The following MECOM variants were observed in gnomAD, a reference collection of about 807,000 sequenced individuals.
The protein encoded by MECOM is MDS1 and EVI1 complex locus, also known as histone-lysine N-methyltransferase MECOM.
In MECOM, 13 loss-of-function variants were observed where a neutral mutation model predicts 116.3. That is an observed-to-expected ratio of 0.11 (90% CI 0.07 to 0.18). The LOEUF is 0.18. MECOM is among the 10% of genes least tolerant of loss of function. The pLI is 1.00. For synonymous variants in MECOM, 528 were observed against 535.2 expected (o/e 0.99, Z 0.19); for missense variants, 1,299 against 1,509.0 (o/e 0.86, Z 2.31).
At chr3:169,118,512 T>C (rs534066934) in intron 7 of MECOM, among the ~76,000 whole-genome samples, 3 of 152,288 alleles carry the variant, frequency 2.0e-5, no homozygotes, top group Admixed American at 2.0e-4. Flanking sequence ...AAACATCAGA[T>C]GTTTACTAGA....
At position 169,203,067 on chromosome 3, in the gene MECOM, G is replaced by T. The variant is rs115320107; in HGVS notation, c.376-59235C>A. On this transcript the variant is annotated intron_variant, in intron 2 of 16. Coordinates refer to ENST00000651503, the MANE Select transcript of MECOM (RefSeq NM_004991.4). ...CATTTCTCACCTTTGGACTATTTTA[G>T]CAGTCATTTTCATGGTATATTGAGG... Among the ~76,000 whole-genome samples the T allele has an allele frequency of 7.7e-3, 1,175 of 152,156 alleles. 20 individuals carry two copies. Among genetic ancestry groups the T allele is most frequent in the African/African-American group, 0.027 (1,113 of 41,526 alleles).
At chr3:169,339,542 C>T (rs1184123028) in intron 2 of MECOM, among the ~76,000 whole-genome samples, 1 of 152,204 alleles carries the variant, frequency 6.6e-6, no homozygotes, top group Non-Finnish European at 1.5e-5. Flanking sequence ...GGACCAGCAT[C>T]CCTGGACTGT....
At chr3:169,355,646 G>A (rs1218711388) in intron 2 of MECOM, among the ~76,000 whole-genome samples, 3 of 151,776 alleles carry the variant, frequency 2.0e-5, no homozygotes, top group South Asian at 2.1e-4. Flanking sequence ...CCGTTAAGAC[G>A]GCAGTTTCCA....
rs563764846 is a variant in MECOM, at chr3:169,099,094, A to G, written c.2849+1791T>C. 2.1e-5 allele frequency among the ~76,000 whole-genome samples: 3 copies of G among 145,194 alleles called. No individual in the cohort carries two copies. The Admixed American group carries it at 2.1e-4, about 10-fold the overall frequency. ...TTTCCTCATTTTTTCTACACTGTTC[A>G]TTGGAATTCTTCTGCAAGGAAAAAA... On this transcript the variant is annotated intron_variant, in intron 12 of 16. Coordinates refer to ENST00000651503, the MANE Select transcript of MECOM (RefSeq NM_004991.4).
At chr3:169,474,587 T>C (rs999822624) in intron 1 of MECOM, among the ~76,000 whole-genome samples, 3 of 152,174 alleles carry the variant, frequency 2.0e-5, no homozygotes, top group African/African-American at 7.2e-5. Flanking sequence ...TCCCTAATGC[T>C]AAAAACTCTA....
chr3:169,227,306 C>T (rs553666502), intron 2 of MECOM, among the ~76,000 whole-genome samples: 2 of 151,336 alleles, frequency 1.3e-5, no homozygotes, highest in South Asian at 2.1e-4. Flanking sequence ...TAAAATATAC[C>T]CAGAGAGAGA....
chr3:169,318,776 C>A (rs1053008307), intron 2 of MECOM, among the ~76,000 whole-genome samples: 3 of 152,034 alleles, frequency 2.0e-5, no homozygotes, highest in African/African-American at 7.3e-5. Flanking sequence ...GGGTATATAC[C>A]CAAAGGATTA....
chr3:169,306,877 G>A (rs1282272140), intron 2 of MECOM, among the ~76,000 whole-genome samples: 2 of 152,096 alleles, frequency 1.3e-5, no homozygotes, highest in Non-Finnish European at 2.9e-5. Flanking sequence ...TACCCCACAG[G>A]GGGTCCCTTC....
chr3:169,321,545 A>AAG (rs889889534), intron 2 of MECOM, among the ~76,000 whole-genome samples: 4 of 152,196 alleles, frequency 2.6e-5, no homozygotes, highest in African/African-American at 9.7e-5. Context: ...CGTCTCAAAA[A>AAG]AAAAAAAGAG....
chr3:169,464,584 G>T (rs1448301259), intron 1 of MECOM, among the ~76,000 whole-genome samples: 23 of 152,012 alleles, frequency 1.5e-4, no homozygotes, highest in Admixed American at 1.5e-3. Context: ...AATTAGGAGG[G>T]CATTACATGG....
chr3:169,305,639 A>T (rs1274054823), intron 2 of MECOM, among the ~76,000 whole-genome samples: 2 of 152,230 alleles, frequency 1.3e-5, no homozygotes, highest in Admixed American at 6.5e-5. Context: ...CCCACTGGAA[A>T]TCAGAGTTGC....
At chr3:169,258,750 A>G (rs1030277734) in intron 2 of MECOM, among the ~76,000 whole-genome samples, 1 of 152,208 alleles carries the variant, frequency 6.6e-6, no homozygotes, top group Non-Finnish European at 1.5e-5. Context: ...AAAGTCACTA[A>G]ATAAAAGTGT....
rs16853753 is a variant in MECOM, at chr3:169,442,707, C to G, written c.38-61183G>C. On this transcript the variant is annotated intron_variant, in intron 1 of 16. Transcript: ENST00000651503. The stretch of plus-strand genomic sequence containing the variant: ...TAAGAAGAGTTTTCTAAAAGTGAGG[C>G]TATTGCAGATGAAGGCACAGAAACA... Among the ~76,000 whole-genome samples the G allele has an allele frequency of 3.5e-3, 531 of 152,266 alleles. 8 individuals are homozygous for G. The East Asian group carries it at 0.048, about 14-fold the overall frequency.
rs377648769 is a variant in MECOM at position 169,138,406 on chromosome 3, T to A, written c.510+5292A>T. ...CTGGGGCAGGGGATGAGGTGATGTT[T>A]GTTTTATGATGTAAAAATCAAATGG... On this transcript the variant is annotated intron_variant, in intron 3 of 16. Coordinates refer to ENST00000651503, the MANE Select transcript of MECOM (RefSeq NM_004991.4). 9.2e-5 allele frequency among the ~76,000 whole-genome samples: 14 copies of A among 152,222 alleles called. 1 individual carries two copies. In the South Asian group the frequency reaches 2.7e-3, roughly 29 times the overall value.
intron 1 of MECOM, among the ~76,000 whole-genome samples, chr3:169,633,105 T>G (rs1362413947): frequency 6.6e-6 from 1 of 152,188 alleles, no homozygotes; most frequent in African/African-American, 2.4e-5. Flanking sequence ...ACATTGCCCT[T>G]TCTCCAAAGG....
At chr3:169,624,305 TG>T (rs1233153911) in intron 1 of MECOM, among the ~76,000 whole-genome samples, 1 of 152,252 alleles carries the variant, frequency 6.6e-6, no homozygotes, top group Non-Finnish European at 1.5e-5. Flanking sequence ...TGACCAGCAC[TG>T]GCTTTTATGT....
intron 2 of MECOM, among the ~76,000 whole-genome samples, chr3:169,358,268 G>A (rs772355788): frequency 3.3e-5 from 5 of 151,626 alleles, no homozygotes; most frequent in Non-Finnish European, 7.4e-5. Context: ...TTACATTTCA[G>A]CGCTAACACA....
chr3:169,289,164 T>C (rs542219405), intron 2 of MECOM, among the ~76,000 whole-genome samples: 1 of 152,306 alleles, frequency 6.6e-6, no homozygotes, highest in African/African-American at 2.4e-5. Context: ...ACCCAAAACA[T>C]TCTAAGAAAT....
intron 1 of MECOM, among the ~76,000 whole-genome samples, chr3:169,481,476 C>G (rs1272800661): frequency 6.6e-6 from 1 of 152,084 alleles, no homozygotes; most frequent in Non-Finnish European, 1.5e-5. Context: ...TCGCTTGAAC[C>G]TGGGAGGCAG....
Sources: gnomAD v4.1 joint callset for allele counts (sites outside exome capture counted in the v4.1 genomes callset) on GRCh38, gnomAD v4.1.1 for gene constraint, MANE v1.5 for transcripts, NCBI Gene and HGNC (gene_info 2026-07-23, HGNC 2026-07-21) for gene names.